Variants in QRICH1 observed in about 807,000 individuals in gnomAD.
QRICH1 encodes glutamine rich 1, also known as transcriptional regulator QRICH1.
A neutral mutation model predicts 87.1 loss-of-function variants in QRICH1; 16 were observed. That is an observed-to-expected ratio of 0.18 (90% CI 0.12 to 0.28). The LOEUF is 0.28. QRICH1 is among the 10% of genes least tolerant of loss of function. The pLI, the probability that QRICH1 is intolerant of heterozygous loss-of-function variation, is 1.00. For synonymous variants in QRICH1, 367 were observed against 368.4 expected (o/e 1.00, Z 0.05); for missense variants, 647 against 951.7 (o/e 0.68, Z 4.21).
At chr3:49,072,961 G>C (rs919645725) in intron 2 of QRICH1, among the ~76,000 whole-genome samples, 1 of 152,006 alleles carries the variant, frequency 6.6e-6, no homozygotes, top group Non-Finnish European at 1.5e-5. Flanking sequence ...AGCATCACCT[G>C]AGCCCAGGAG....
chr3:49,082,660 C>G (rs1342094214), intron 1 of QRICH1, among the ~76,000 whole-genome samples: 3 of 151,358 alleles, frequency 2.0e-5, no homozygotes, highest in Non-Finnish European at 4.4e-5. Flanking sequence ...CTTTGGGAGG[C>G]TGAGGTGGGT....
intron 1 of QRICH1, among the ~76,000 whole-genome samples, chr3:49,078,585 C>T (rs985789697): frequency 2.7e-5 from 4 of 147,504 alleles, no homozygotes; most frequent in Non-Finnish European, 6.0e-5. Flanking sequence ...TTAGTAGAGA[C>T]GAGGTTTCCC....
At chr3:49,072,056 C>T (rs561857321) in intron 2 of QRICH1, among the ~76,000 whole-genome samples, 13 of 150,336 alleles carry the variant, frequency 8.6e-5, no homozygotes, top group African/African-American at 1.9e-4. Context: ...CAAGGCTGGG[C>T]GTGGTGGCTC....
intron 2 of QRICH1, among the ~76,000 whole-genome samples, chr3:49,068,142 G>T (rs2093478773): frequency 2.0e-5 from 3 of 152,236 alleles, no homozygotes; most frequent in Admixed American, 2.0e-4. Context: ...GATCACTTGA[G>T]GCCAGGAGTT....
In QRICH1 at chr3:49,030,620, A is replaced by G. The variant is rs763520983; in HGVS notation, c.2163T>C (p.Asn721=). Residue 721 remains asparagine (N), a synonymous_variant, in exon 10 of 10, where the codon AAT becomes AAC. Transcript: ENST00000395443. The part of the protein sequence containing the change: ...FKCPQSVKGR[N]DTFYLTPEPV... ...GCTCAGGTGTCAGGTAAAAGGTGTC[A>G]TTCCGGCCTTTCACACTCTGGGGGC... The G allele has an allele frequency of 1.3e-6, 2 of 1,591,338 alleles. No individual in the cohort carries two copies. The highest frequency in any genetic ancestry group is 1.8e-5 in the Admixed American group (1 of 56,660).
In QRICH1 at chr3:49,056,465, A is replaced by G. The variant is rs200730770; in HGVS notation, c.1338+397T>C. On this transcript the variant is annotated intron_variant, in intron 3 of 9. Coordinates refer to ENST00000395443, the MANE Select transcript of QRICH1 (RefSeq NM_198880.3). ...CTCTCCAGTGATGAGTTTGTAATCTATGTGATAAACTACAAGTGTTTTGCT... is the reference window on the plus strand; with the variant it reads ...CTCTCCAGTGATGAGTTTGTAATCTGTGTGATAAACTACAAGTGTTTTGCT... Among the ~76,000 whole-genome samples the G allele has an allele frequency of 3.9e-5, 6 of 152,324 alleles. No homozygotes were observed. The East Asian group carries it at 1.2e-3, about 29-fold the overall frequency.
chr3:49,083,957 G>A (rs1054947041), intron 1 of QRICH1, among the ~76,000 whole-genome samples: 11 of 151,578 alleles, frequency 7.3e-5, no homozygotes, highest in South Asian at 2.1e-4. Flanking sequence ...ACCTGCCACC[G>A]TGCCTGGCTA....
chr3:49,081,234 T>C (rs886503112), intron 1 of QRICH1, among the ~76,000 whole-genome samples: 2 of 151,930 alleles, frequency 1.3e-5, no homozygotes, highest in Non-Finnish European at 2.9e-5. Flanking sequence ...CTGGCCAACA[T>C]GGTGAAACCC....
chr3:49,041,212 C>A (rs899124618), intron 6 of QRICH1, among the ~76,000 whole-genome samples: 2 of 152,072 alleles, frequency 1.3e-5, no homozygotes, highest in Non-Finnish European at 2.9e-5. Context: ...TCAAGTGATG[C>A]ACCCACATTT....
Position 49,057,482 on chromosome 3 carries a change from T to C in QRICH1, c.718A>G (p.Ser240Gly), listed in dbSNP as rs749161990. The stretch of plus-strand genomic sequence containing the variant: ...CGCTTCTTCACTGGTTGGAGGACAC[T>C]GGCCGTGCCAACCCGCCGCTCCCCT... ...REGERRVGTA[S>G]VLQPVKKRKV... Residue 240 changes from serine to glycine, a missense_variant, in exon 3 of 10, where the codon AGT becomes GGT. This residue lies in a region of QRICH1 where 75 missense variants were observed against 141.0 expected (regional missense o/e 0.53). Coordinates refer to ENST00000395443, the MANE Select transcript of QRICH1 (RefSeq NM_198880.3). This position sits in a 1 kb window ranked among gnomAD's most constrained non-coding sequence, Gnocchi z 5.4. 2.5e-6 allele frequency: 4 copies of C among 1,610,880 alleles called. No homozygotes were observed. The highest frequency in any genetic ancestry group is 3.4e-6 in the Non-Finnish European group (4 of 1,178,388).
At chr3:49,032,444 C>T in intron 8 of QRICH1, 171 bp from the exon 9 acceptor site, 2 of 896,468 alleles carry the variant, frequency 2.2e-6, no homozygotes, top group Non-Finnish European at 3.4e-6. Flanking sequence ...GCTATTCTGT[C>T]TGGGGCTTCT....
chr3:49,094,211 C>A, upstream of QRICH1: 2 of 388,596 alleles, frequency 5.1e-6, no homozygotes, highest in South Asian at 1.4e-4. Context: ...ATAGTGGATC[C>A]TAGGGTATGG....
Position 49,069,885 on chromosome 3 carries a change from G to A in QRICH1, c.309+6824C>T, listed in dbSNP as rs114296932. On this transcript the variant is annotated intron_variant, in intron 2 of 9. Coordinates refer to ENST00000395443, the MANE Select transcript of QRICH1 (RefSeq NM_198880.3). ...TGTAAGTATACATATGTGTATGTGT[G>A]TGTTTTGAAGTCTCTAGTCAATTCC... Among the ~76,000 whole-genome samples the A allele has an allele frequency of 2.3e-3, 356 of 152,172 alleles. 3 individuals carry two copies. The highest frequency in any genetic ancestry group is 8.3e-3 in the African/African-American group (343 of 41,528).
At chr3:49,032,136 A>AC (rs763301555) in intron 9 of QRICH1, 47 bp downstream of exon 9, 20 of 1,407,576 alleles carry the variant, frequency 1.4e-5, no homozygotes, top group Non-Finnish European at 1.8e-5. Flanking sequence ...GCACACGCAT[A>AC]CACACACATG....
intron 2 of QRICH1, among the ~76,000 whole-genome samples, chr3:49,058,549 C>CT (rs1461985087): frequency 1.3e-5 from 2 of 152,178 alleles, no homozygotes; most frequent in Non-Finnish European, 2.9e-5. Flanking sequence ...TAATCTTGAA[C>CT]TCCTGACCTC....
intron 2 of QRICH1, among the ~76,000 whole-genome samples, chr3:49,061,511 T>G (rs2093434678): frequency 6.6e-6 from 1 of 152,112 alleles, no homozygotes; most frequent in Non-Finnish European, 1.5e-5. Flanking sequence ...GACACATAGA[T>G]AAATTACCCT....
intron 2 of QRICH1, among the ~76,000 whole-genome samples, chr3:49,067,856 C>A (rs1559945048): frequency 6.6e-6 from 1 of 151,692 alleles, no homozygotes; most frequent in Non-Finnish European, 1.5e-5. Flanking sequence ...AAGGCGGAGG[C>A]AGGAGAACCA....
intron 3 of QRICH1, among the ~76,000 whole-genome samples, chr3:49,051,188 C>T (rs377064087): frequency 6.6e-6 from 1 of 152,148 alleles, no homozygotes; most frequent in African/African-American, 2.4e-5. Context: ...GTAGCTGCTG[C>T]CACCACTACC....
At chr3:49,089,065 T>TC in intron 1 of QRICH1, among the ~76,000 whole-genome samples, 1 of 151,822 alleles carries the variant, frequency 6.6e-6, no homozygotes. Context: ...TTTTTTCTTT[T>TC]CTTTTTTTTT....
Sources: allele counts gnomAD v4.1 joint callset (sites outside exome capture counted in the v4.1 genomes callset), GRCh38; gene constraint gnomAD v4.1.1; regional missense constraint gnomAD v4.1.1; non-coding constraint Gnocchi (gnomAD v3.1); transcripts MANE v1.5; gene names NCBI Gene and HGNC (gene_info 2026-07-23, HGNC 2026-07-21).